The following WDHD1 variants were observed in gnomAD, a reference collection of about 807,000 sequenced individuals.
WDHD1 encodes the protein WD repeat and HMG-box DNA binding protein 1.
Under a neutral mutation model 135.4 loss-of-function variants are expected in WDHD1, and 111 were observed. The ratio of observed to expected loss-of-function variants is 0.82; its 90% CI spans 0.70 to 0.96. The LOEUF (loss-of-function observed/expected upper bound fraction) is 0.96. Ranked by LOEUF, WDHD1 falls within the 40% of genes least tolerant of loss-of-function variation. The pLI, the probability that WDHD1 is intolerant of heterozygous loss-of-function variation, is 0.00. For missense variants in WDHD1, 1,351 were observed against 1,336.3 expected (o/e 1.01, Z -0.17); for synonymous variants, 434 against 439.0 (o/e 0.99, Z 0.14).
chr14:54,942,548 C>T (rs1359730274), intron 25 of WDHD1, among the ~76,000 whole-genome samples: 3 of 152,132 alleles, frequency 2.0e-5, no homozygotes, highest in Non-Finnish European at 4.4e-5. Context: ...CTTCCCCAAG[C>T]CCCAACTCCG....
At chr14:54,956,415 A>G (rs961866895) in intron 23 of WDHD1, among the ~76,000 whole-genome samples, 58 of 152,100 alleles carry the variant, frequency 3.8e-4, no homozygotes, top group Non-Finnish European at 1.8e-4. Context: ...AGGTGGGTGG[A>G]TCACTTGAGG....
intron 8 of WDHD1, 45 bp from the exon 9 acceptor site, chr14:55,001,037 A>G: frequency 8.0e-7 from 1 of 1,255,962 alleles, no homozygotes; most frequent in Non-Finnish European, 1.1e-6. Context: ...GTAAAATTTC[A>G]AACTAAATAC....
chr14:54,966,332 C>T (rs908414864), intron 18 of WDHD1, 143 bp downstream of exon 18: 35 of 1,029,908 alleles, frequency 3.4e-5, no homozygotes, highest in Non-Finnish European at 4.4e-5. Flanking sequence ...GAGACTCCGT[C>T]GCACAAAAAA....
At chr14:54,988,849 T>C (rs1371618669) in intron 13 of WDHD1, among the ~76,000 whole-genome samples, 179 bp downstream of exon 13, 1 of 152,152 alleles carries the variant, frequency 6.6e-6, no homozygotes, top group Non-Finnish European at 1.5e-5. Flanking sequence ...GGAATCATTA[T>C]GGCAAAAACA....
At chr14:54,976,108 G>A (rs935439584) in intron 16 of WDHD1, among the ~76,000 whole-genome samples, 1 of 152,262 alleles carries the variant, frequency 6.6e-6, no homozygotes, top group East Asian at 1.9e-4. Flanking sequence ...TCACTCGAGA[G>A]CTCGAGCTCT....
intron 24 of WDHD1, among the ~76,000 whole-genome samples, chr14:54,950,397 A>C (rs2140153009): frequency 6.6e-6 from 1 of 152,238 alleles, no homozygotes; most frequent in South Asian, 2.1e-4. Context: ...GAGACAAAGA[A>C]GGCCATTACA....
chr14:54,963,668 C>T (rs1012124501), intron 18 of WDHD1, among the ~76,000 whole-genome samples: 2 of 152,066 alleles, frequency 1.3e-5, no homozygotes, highest in South Asian at 2.1e-4. Context: ...GGCGTGGTGG[C>T]GTGCGCCTGT....
rs752947324 is a variant in WDHD1, at chr14:54,991,337, C to T, written c.1217G>A (p.Gly406Asp). Residue 406 changes from glycine to aspartate, a missense_variant, in exon 12 of 26, where the codon GGC (glycine) becomes GAC (aspartate). Gly to Asp is a moderately conservative substitution (Grantham distance 94). This residue lies in a region of WDHD1 where 1,330 missense variants were observed against 1,296.1 expected (regional missense o/e 1.03). Coordinates refer to ENST00000360586, the MANE Select transcript of WDHD1 (RefSeq NM_007086.4). ...TACAAGTGGTAGATTGTGAATGCTG[C>T]CTTCTTGACCATCTTCCTCCTCCTC... ...LKEEEEDGQEGSIHNLPLVTS... is the reference protein window; with the variant it reads ...LKEEEEDGQEDSIHNLPLVTS... The T allele has an allele frequency of 5.0e-6, 8 of 1,614,136 alleles. No individual in the cohort carries two copies. In the South Asian group the frequency reaches 8.8e-5, roughly 18 times the overall value.
At position 54,969,336 on chromosome 14, in the gene WDHD1, G is replaced by A. The variant is rs147404759; in HGVS notation, c.2064-1942C>T. Among the ~76,000 whole-genome samples the A allele has an allele frequency of 1.0e-3, 123 of 117,702 alleles. No individual in the cohort carries two copies. In the East Asian group the frequency reaches 0.024, roughly 23 times the overall value. The allele number at this position is 117,702 out of a possible 152,430, so 77.2% of individuals were successfully genotyped here. Reference sequence around the variant, plus strand: ...CCACCGCGCCCAGCATTAAGACTCCGTTTCAAGAAAAAAAAAAAAAAAAGA... The same window carrying A: ...CCACCGCGCCCAGCATTAAGACTCCATTTCAAGAAAAAAAAAAAAAAAAGA... On this transcript the variant is annotated intron_variant, in intron 16 of 25. Coordinates refer to ENST00000360586, the MANE Select transcript of WDHD1 (RefSeq NM_007086.4).
In WDHD1 at chr14:54,993,000, G is replaced by A. The variant is rs562615086; in HGVS notation, c.1154-1600C>T. On this transcript the variant is annotated intron_variant, in intron 11 of 25. Transcript: ENST00000360586. ...TTATATTAGATAATAAAAAGTGTCA[G>A]TATAAAGAGGATCTATAAACTTCAG... Among the ~76,000 whole-genome samples the A allele has an allele frequency of 1.4e-4, 21 of 152,198 alleles. No homozygotes were observed. In the South Asian group the frequency reaches 4.2e-3, roughly 30 times the overall value.
chr14:54,991,620 T>G (rs774002059), intron 11 of WDHD1, among the ~76,000 whole-genome samples: 7 of 152,218 alleles, frequency 4.6e-5, no homozygotes, highest in Non-Finnish European at 8.8e-5. Flanking sequence ...CACCTAACTG[T>G]ATTAGTCGTT....
chr14:54,995,345 C>A lies in WDHD1; in HGVS notation c.1153+258G>T, dbSNP rs1393611410. Among the ~76,000 whole-genome samples, 10 of 148,514 alleles carry A rather than the reference C, an allele frequency of 6.7e-5. No individual in the cohort carries two copies. In the East Asian group the frequency reaches 1.7e-3, roughly 26 times the overall value. On this transcript the variant is annotated intron_variant, in intron 11 of 25. Transcript: ENST00000360586. Reference sequence around the variant, plus strand: ...ACTTTCTCTATAGGTTTTCTGTTGTCAATTTTATTGAATTTTGCTCTGTAT... The same window carrying A: ...ACTTTCTCTATAGGTTTTCTGTTGTAAATTTTATTGAATTTTGCTCTGTAT...
intron 10 of WDHD1, among the ~76,000 whole-genome samples, chr14:54,997,363 TG>T (rs1189759607): frequency 6.6e-6 from 1 of 152,162 alleles, no homozygotes; most frequent in African/African-American, 2.4e-5. Flanking sequence ...CCAAAAGTTC[TG>T]GGATTGTAGG....
intron 25 of WDHD1, 87 bp from the exon 26 acceptor site, chr14:54,941,777 A>G: frequency 1.7e-6 from 2 of 1,167,270 alleles, no homozygotes; most frequent in Non-Finnish European, 2.4e-6. Flanking sequence ...TCCAGGTAAT[A>G]TTTTTATATA....
intron 11 of WDHD1, among the ~76,000 whole-genome samples, 188 bp downstream of exon 11, chr14:54,995,415 T>C (rs767128391): frequency 2.0e-5 from 3 of 152,196 alleles, no homozygotes; most frequent in Non-Finnish European, 4.4e-5. Context: ...CTTTTTCTAG[T>C]CTGCCATAGC....
intron 6 of WDHD1, 21 bp from the exon 7 acceptor site, chr14:55,007,396 A>T: frequency 6.5e-7 from 1 of 1,530,178 alleles, no homozygotes; most frequent in Non-Finnish European, 8.8e-7. Context: ...AAAAAAGAAA[A>T]TTTCTTTCCT....
At chr14:54,997,353 C>A (rs2041899248) in intron 10 of WDHD1, among the ~76,000 whole-genome samples, 1 of 152,090 alleles carries the variant, frequency 6.6e-6, no homozygotes, top group South Asian at 2.1e-4. Context: ...ACCTCGGCCT[C>A]CAAAAGTTCT....
chr14:55,002,745 C>G (rs1203458736), intron 7 of WDHD1, among the ~76,000 whole-genome samples: 1 of 152,018 alleles, frequency 6.6e-6, no homozygotes, highest in Admixed American at 6.6e-5. Flanking sequence ...GCTAGGACTA[C>G]AGCCCAACTA....
At chr14:55,011,180 G>A (rs1242531735) in intron 3 of WDHD1, among the ~76,000 whole-genome samples, 1 of 152,126 alleles carries the variant, frequency 6.6e-6, no homozygotes, top group African/African-American at 2.4e-5. Context: ...CTCCTTTACA[G>A]TCTTCTTCAT....
Sources: gnomAD v4.1 joint callset for allele counts (sites outside exome capture counted in the v4.1 genomes callset) on GRCh38, gnomAD v4.1.1 for gene constraint, gnomAD v4.1.1 regional missense constraint, MANE v1.5 for transcripts, NCBI Gene and HGNC (gene_info 2026-07-23, HGNC 2026-07-21) for gene names.